Variants in PKNOX2 observed in about 807,000 individuals in gnomAD.
PKNOX2 encodes the protein PBX/knotted 1 homeobox 2.
In PKNOX2, 14 loss-of-function variants were observed where a neutral mutation model predicts 53.1. That is an observed-to-expected ratio of 0.26 (90% confidence interval 0.17 to 0.41). PKNOX2 has a LOEUF of 0.41. Among genes scored for constraint, PKNOX2 ranks in the 10% least tolerant of loss-of-function variants. The probability of loss-of-function intolerance (pLI) is 1.00; values close to 1 mark genes in which losing one functional copy is unlikely to be tolerated. For synonymous variants in PKNOX2, 257 were observed against 242.8 expected (o/e 1.06, Z -0.54); for missense variants, 496 against 602.8 (o/e 0.82, Z 1.85).
intron 1 of PKNOX2, among the ~76,000 whole-genome samples, chr11:125,181,672 G>A (rs1956164701): frequency 6.6e-6 from 1 of 152,218 alleles, no homozygotes; most frequent in African/African-American, 2.4e-5. Flanking sequence ...TGTGTCATGG[G>A]GGCTTTGCCT....
chr11:125,368,735 G>A (rs1387336900), intron 5 of PKNOX2, among the ~76,000 whole-genome samples: 1 of 152,192 alleles, frequency 6.6e-6, no homozygotes, highest in African/African-American at 2.4e-5. Flanking sequence ...ATGGGGCTCA[G>A]GGAAATGCCT....
chr11:125,366,091 A>G (rs1279471318), intron 4 of PKNOX2, among the ~76,000 whole-genome samples: 1 of 152,230 alleles, frequency 6.6e-6, no homozygotes, highest in East Asian at 1.9e-4. Context: ...ATTTGCTTCT[A>G]CTTTCTTTCT....
intron 4 of PKNOX2, among the ~76,000 whole-genome samples, chr11:125,359,941 C>G (rs1191752880): frequency 1.3e-5 from 2 of 152,146 alleles, no homozygotes; most frequent in South Asian, 2.1e-4. Context: ...TCAGGCTGGT[C>G]TCGAACTCCC....
intron 4 of PKNOX2, 100 bp downstream of exon 4, chr11:125,351,492 G>A: frequency 2.7e-6 from 2 of 748,054 alleles, no homozygotes; most frequent in South Asian, 3.4e-5. Context: ...CCGACGGGCA[G>A]AGCCAGGCCT....
intron 2 of PKNOX2, among the ~76,000 whole-genome samples, chr11:125,248,952 G>T (rs989613426): frequency 3.4e-5 from 4 of 117,720 alleles, no homozygotes; most frequent in African/African-American, 6.8e-5. Context: ...GTATATACAT[G>T]TATATATACA....
chr11:125,361,267 A>T (rs1328937222), intron 4 of PKNOX2, among the ~76,000 whole-genome samples: 2 of 152,216 alleles, frequency 1.3e-5, no homozygotes, highest in Non-Finnish European at 2.9e-5. Flanking sequence ...GTGAGCAGAC[A>T]GGTCACAGCA....
intron 1 of PKNOX2, among the ~76,000 whole-genome samples, chr11:125,194,688 G>C (rs1216207317): frequency 6.6e-6 from 1 of 152,168 alleles, no homozygotes; most frequent in Non-Finnish European, 1.5e-5. Context: ...TAAACTGCTT[G>C]CTGCTGCAGT....
chr11:125,362,402 C>A (rs1264807994), intron 4 of PKNOX2, among the ~76,000 whole-genome samples: 1 of 152,026 alleles, frequency 6.6e-6, no homozygotes, highest in African/African-American at 2.4e-5. Context: ...GAGACAGGGT[C>A]TTGCTCTATC....
chr11:125,308,046 G>T (rs1948574951), intron 2 of PKNOX2, among the ~76,000 whole-genome samples: 1 of 152,234 alleles, frequency 6.6e-6, no homozygotes, highest in Non-Finnish European at 1.5e-5. Context: ...GGCAGTGTGG[G>T]CAAAGGCACA....
intron 1 of PKNOX2, among the ~76,000 whole-genome samples, chr11:125,184,921 G>A (rs1934750692): frequency 6.6e-6 from 1 of 152,176 alleles, no homozygotes; most frequent in Admixed American, 6.5e-5. Context: ...ATGATGGGTA[G>A]GCAACGTCCA....
At chr11:125,359,761 A>C (rs556540929) in intron 4 of PKNOX2, among the ~76,000 whole-genome samples, 1 of 152,210 alleles carries the variant, frequency 6.6e-6, no homozygotes, top group South Asian at 2.1e-4. Flanking sequence ...AGGCCTGGGC[A>C]GCCCCAGGGG....
chr11:125,206,255 A>C (rs614265), intron 1 of PKNOX2, among the ~76,000 whole-genome samples: 108,435 of 151,646 alleles, frequency 0.72, 39,074 homozygotes, highest in East Asian at 0.76. Context: ...GAGGGATTGT[A>C]GGCTCGGACT....
chr11:125,242,895 C>G (rs1479498281), intron 2 of PKNOX2, among the ~76,000 whole-genome samples: 3 of 152,166 alleles, frequency 2.0e-5, no homozygotes, highest in Admixed American at 6.5e-5. Context: ...AACAAATGCT[C>G]AGCGAATGCA....
intron 3 of PKNOX2, among the ~76,000 whole-genome samples, chr11:125,337,327 C>A (rs1565500106): frequency 6.6e-6 from 1 of 152,186 alleles, no homozygotes; most frequent in African/African-American, 2.4e-5. Context: ...TCCGCCTCTT[C>A]GGATTTCTTC....
Position 125,352,446 on chromosome 11 carries a change from C to T in PKNOX2, c.87+1054C>T, listed in dbSNP as rs1951374954. ...CTGCCCTCCTCTGCCATCCCTCACT[C>T]ATTGGCATTTTCAAACACAGTGGTT... On this transcript the variant is annotated intron_variant, in intron 4 of 12. Coordinates refer to ENST00000298282, the MANE Select transcript of PKNOX2 (RefSeq NM_001382323.2). This position sits in a 1 kb window ranked among gnomAD's most constrained non-coding sequence, Gnocchi z 4.1. Among the ~76,000 whole-genome samples the T allele has an allele frequency of 6.6e-6, 1 of 152,230 alleles. No homozygotes were observed. Among genetic ancestry groups the T allele is most frequent in the Non-Finnish European group, 1.5e-5 (1 of 68,044 alleles).
chr11:125,172,283 C>T (rs763626407), intron 1 of PKNOX2, among the ~76,000 whole-genome samples: 9 of 152,152 alleles, frequency 5.9e-5, no homozygotes, highest in African/African-American at 1.2e-4. Context: ...GAGGGATTTC[C>T]GAGCAGACCT....
chr11:125,221,838 C>T (rs1169788007), intron 1 of PKNOX2, among the ~76,000 whole-genome samples: 2 of 152,108 alleles, frequency 1.3e-5, no homozygotes, highest in Non-Finnish European at 2.9e-5. Context: ...GTGTGAGTCT[C>T]ATAAAAACTT....
intron 2 of PKNOX2, among the ~76,000 whole-genome samples, chr11:125,283,557 A>T (rs1946714038): frequency 6.6e-6 from 1 of 152,264 alleles, no homozygotes; most frequent in Admixed American, 6.5e-5. Context: ...TCTTAGGGAC[A>T]GTGGCAGGGT....
chr11:125,423,421 C>A (rs1956266339), intron 10 of PKNOX2, among the ~76,000 whole-genome samples: 1 of 152,046 alleles, frequency 6.6e-6, no homozygotes, highest in African/African-American at 2.4e-5. Context: ...GTGAGTAGAG[C>A]AACCTGCCTC....
Sources: gnomAD v4.1 joint callset for allele counts (sites outside exome capture counted in the v4.1 genomes callset) on GRCh38, gnomAD v4.1.1 for gene constraint, Gnocchi (gnomAD v3.1) non-coding constraint, MANE v1.5 for transcripts, NCBI Gene and HGNC (gene_info 2026-07-23, HGNC 2026-07-21) for gene names.